CTNNA2: variants seen among roughly 807,000 people sequenced by gnomAD.
CTNNA2 encodes catenin alpha 2.
Under a neutral mutation model 101.0 loss-of-function variants are expected in CTNNA2, and 42 were observed. That is an observed-to-expected ratio of 0.42 (90% confidence interval 0.32 to 0.54). The LOEUF is 0.54. Ranked by LOEUF, CTNNA2 falls within the 20% of genes least tolerant of loss-of-function variation. CTNNA2 has a pLI of 0.14. For synonymous variants in CTNNA2, 450 were observed against 456.4 expected (o/e 0.99, Z 0.18); for missense variants, 871 against 1,223.1 (o/e 0.71, Z 4.29).
intron 8 of CTNNA2, among the ~76,000 whole-genome samples, chr2:80,416,354 T>C (rs367976693): frequency 8.5e-5 from 13 of 152,326 alleles, no homozygotes; most frequent in African/African-American, 2.9e-4. Flanking sequence ...TACAATTTTA[T>C]TTGTCAATTA....
intron 9 of CTNNA2, among the ~76,000 whole-genome samples, chr2:80,469,277 T>C (rs1388352780): frequency 3.9e-5 from 6 of 152,270 alleles, no homozygotes; most frequent in Non-Finnish European, 1.5e-5. Flanking sequence ...AAGTTCATTA[T>C]ATGCCTGAAC....
intron 7 of CTNNA2, among the ~76,000 whole-genome samples, chr2:80,045,823 C>A (rs1696481348): frequency 6.6e-6 from 1 of 152,130 alleles, no homozygotes; most frequent in African/African-American, 2.4e-5. Flanking sequence ...AAAAAATGTG[C>A]ATTGTCAATC....
intron 18 of CTNNA2, among the ~76,000 whole-genome samples, chr2:80,635,149 T>C (rs1026179127): frequency 1.3e-5 from 2 of 152,180 alleles, no homozygotes; most frequent in African/African-American, 2.4e-5. Context: ...CCTACCTGCA[T>C]CTGTGATCGT....
chr2:80,263,087 G>C lies in CTNNA2; in HGVS notation c.1057-130124G>C, dbSNP rs1263625432. On this transcript the variant is annotated intron_variant, in intron 7 of 18. Coordinates refer to ENST00000402739, the MANE Select transcript of CTNNA2 (RefSeq NM_001282597.3). ...TAACTGAGTGTATGTGATGGGGCATGGGGGGTAGGGTGTGGAGTGGGGAGA... is the reference window on the plus strand; with the variant it reads ...TAACTGAGTGTATGTGATGGGGCATCGGGGGTAGGGTGTGGAGTGGGGAGA... 7.9e-5 allele frequency among the ~76,000 whole-genome samples: 12 copies of C among 152,088 alleles called. No individual in the cohort carries two copies. The East Asian group carries it at 1.7e-3, about 22-fold the overall frequency.
chr2:79,481,341 G>A (rs1671107529), intron 4 of CTNNA2, among the ~76,000 whole-genome samples: 2 of 152,032 alleles, frequency 1.3e-5, no homozygotes, highest in African/African-American at 4.8e-5. Context: ...CCTTTTCCTA[G>A]CCTCTGCCCC....
chr2:80,358,010 G>T (rs555556596), intron 7 of CTNNA2, among the ~76,000 whole-genome samples: 1 of 152,240 alleles, frequency 6.6e-6, no homozygotes, highest in East Asian at 1.9e-4. Flanking sequence ...CTTCATGAAG[G>T]TAGGCTCTGT....
intron 3 of CTNNA2, among the ~76,000 whole-genome samples, chr2:79,758,672 C>T (rs1449838675): frequency 1.3e-5 from 2 of 152,166 alleles, no homozygotes; most frequent in Non-Finnish European, 2.9e-5. Flanking sequence ...GTTTAGCTCC[C>T]ACTTACAAGT....
intron 7 of CTNNA2, among the ~76,000 whole-genome samples, chr2:80,235,394 C>A (rs1709492939): frequency 6.6e-6 from 1 of 152,164 alleles, no homozygotes; most frequent in South Asian, 2.1e-4. Flanking sequence ...CTTGAAGGAA[C>A]TATCAATCAC....
At chr2:80,072,038 A>G (rs938484171) in intron 7 of CTNNA2, among the ~76,000 whole-genome samples, 1 of 152,220 alleles carries the variant, frequency 6.6e-6, no homozygotes, top group Non-Finnish European at 1.5e-5. Flanking sequence ...TTTCAGAGTC[A>G]TGCAATGCTT....
intron 1 of CTNNA2, among the ~76,000 whole-genome samples, chr2:79,622,102 C>T (rs1335411242): frequency 6.6e-6 from 1 of 152,150 alleles, no homozygotes. Flanking sequence ...AAAGTACATA[C>T]TTTAGTTAAA....
chr2:80,457,255 G>T (rs565471276), intron 9 of CTNNA2, among the ~76,000 whole-genome samples: 16 of 152,016 alleles, frequency 1.1e-4, no homozygotes, highest in Admixed American at 6.5e-4. Flanking sequence ...GTAGAGATGG[G>T]ATTTCGCCGT....
chr2:79,435,970 A>G (rs1414725138), intron 4 of CTNNA2, among the ~76,000 whole-genome samples: 2 of 152,192 alleles, frequency 1.3e-5, no homozygotes, highest in African/African-American at 4.8e-5. Flanking sequence ...GAAAGTCTGA[A>G]TAAGTAGTTA....
At chr2:79,734,767 A>G (rs1360790442) in intron 2 of CTNNA2, among the ~76,000 whole-genome samples, 1 of 152,156 alleles carries the variant, frequency 6.6e-6, no homozygotes, top group East Asian at 1.9e-4. Context: ...TCAGTACAAA[A>G]AGGAAAAGGA....
rs1411780710 is a variant in CTNNA2 at position 79,377,082 on chromosome 2, A to T, written c.-135+3069A>T. Among the ~76,000 whole-genome samples the T allele has an allele frequency of 2.0e-5, 3 of 151,452 alleles. No homozygotes were observed. The East Asian group carries it at 5.9e-4, about 30-fold the overall frequency. ...CCACACTGACTTCCACAATGGTTGA[A>T]CTAGTTTACAGTCCCACCAACAGTG... On this transcript the variant is annotated intron_variant, in intron 4 of 21. Transcript: ENST00000466387.
chr2:80,334,656 C>T (rs568302097), intron 7 of CTNNA2, among the ~76,000 whole-genome samples: 11 of 152,312 alleles, frequency 7.2e-5, no homozygotes, highest in African/African-American at 2.6e-4. Context: ...GATTGCTTTG[C>T]CCTTCTTTAC....
intron 3 of CTNNA2, among the ~76,000 whole-genome samples, chr2:79,370,481 A>G (rs1677845367): frequency 6.6e-6 from 1 of 152,216 alleles, no homozygotes; most frequent in African/African-American, 2.4e-5. Context: ...AATCATTGGA[A>G]AAATACTTTC....
intron 3 of CTNNA2, among the ~76,000 whole-genome samples, chr2:79,760,046 A>T (rs1305191377): frequency 6.6e-6 from 1 of 152,198 alleles, no homozygotes; most frequent in African/African-American, 2.4e-5. Flanking sequence ...TAGACAGCCT[A>T]CATTTGAAAC....
intron 2 of CTNNA2, among the ~76,000 whole-genome samples, chr2:79,698,710 A>T (rs1429190410): frequency 6.6e-6 from 1 of 152,034 alleles, no homozygotes; most frequent in African/African-American, 2.4e-5. Flanking sequence ...AGATACCAAA[A>T]GGGAATGTGT....
chr2:80,356,777 C>T (rs1387835862), intron 7 of CTNNA2, among the ~76,000 whole-genome samples: 1 of 152,152 alleles, frequency 6.6e-6, no homozygotes, highest in Non-Finnish European at 1.5e-5. Flanking sequence ...TATCGGTCAG[C>T]TGTCTTAGGA....
Sources: allele counts gnomAD v4.1 joint callset (sites outside exome capture counted in the v4.1 genomes callset), GRCh38; gene constraint gnomAD v4.1.1; transcripts MANE v1.5; gene names NCBI Gene and HGNC (gene_info 2026-07-23, HGNC 2026-07-21).